Variants in SRGAP2C observed in about 807,000 individuals in gnomAD.
SRGAP2C encodes SLIT-ROBO Rho GTPase activating protein 2C, also known as SLIT-ROBO Rho GTPase-activating protein 2C.
Under a neutral mutation model 25.1 loss-of-function variants are expected in SRGAP2C, and 15 were observed. The ratio of observed to expected loss-of-function variants is 0.60; its 90% confidence interval spans 0.40 to 0.92. The LOEUF (loss-of-function observed/expected upper bound fraction) is 0.92, where lower values mean the gene tolerates loss of function less well. SRGAP2C is among the 40% of genes least tolerant of loss of function. The probability of loss-of-function intolerance (pLI) is 0.00; values close to 1 mark genes in which losing one functional copy is unlikely to be tolerated. For synonymous variants in SRGAP2C, 44 were observed against 96.6 expected (o/e 0.46, Z 3.19); for missense variants, 144 against 264.4 (o/e 0.54, Z 3.16).
chr1:121,204,313 G>A (rs587698247), intron 2 of SRGAP2C, among the ~76,000 whole-genome samples: 72 of 151,576 alleles, frequency 4.8e-4, no homozygotes, highest in African/African-American at 1.5e-3. Flanking sequence ...CAAGAAACTG[G>A]CATAATATAT....
At chr1:121,261,123 T>TTTTTTTTG (rs1656624670) in intron 2 of SRGAP2C, among the ~76,000 whole-genome samples, 1 of 82,028 alleles carries the variant, frequency 1.2e-5, no homozygotes, top group Non-Finnish European at 2.5e-5. Context: ...TTTTTTTTTT[T>TTTTTTTTG]GTAGAGACAA....
chr1:121,232,655 A>G (rs1439858750), intron 2 of SRGAP2C, among the ~76,000 whole-genome samples: 3 of 151,554 alleles, frequency 2.0e-5, no homozygotes, highest in African/African-American at 7.3e-5. Flanking sequence ...GCACTTTCAT[A>G]GTTTACACTG....
intron 3 of SRGAP2C, among the ~76,000 whole-genome samples, chr1:121,301,041 C>CA (rs1435787527): frequency 0.021 from 1,460 of 70,532 alleles, 478 homozygotes; most frequent in Non-Finnish European, 0.032. Context: ...GACTCCATCT[C>CA]AAAAAAAAAC....
intron 2 of SRGAP2C, among the ~76,000 whole-genome samples, chr1:121,235,026 C>T (rs1303525989): frequency 7.2e-6 from 1 of 138,010 alleles, no homozygotes; most frequent in African/African-American, 3.0e-5. Context: ...TTCTTTCTTT[C>T]TTTTTTTTTT....
At chr1:121,197,138 T>C (rs1240688372) in intron 2 of SRGAP2C, among the ~76,000 whole-genome samples, 22 of 137,210 alleles carry the variant, frequency 1.6e-4, no homozygotes, top group African/African-American at 5.8e-4. Flanking sequence ...CTTGAACCTG[T>C]AAAACTTATT....
At chr1:121,253,975 C>T (rs587597646) in intron 2 of SRGAP2C, among the ~76,000 whole-genome samples, 24 of 151,902 alleles carry the variant, frequency 1.6e-4, no homozygotes, top group Middle Eastern at 3.4e-3. Flanking sequence ...TGCAGTGGCA[C>T]GATCTCGGCT....
intron 2 of SRGAP2C, among the ~76,000 whole-genome samples, chr1:121,269,914 A>G (rs1179277303): frequency 6.7e-6 from 1 of 149,126 alleles, no homozygotes; most frequent in Non-Finnish European, 1.5e-5. Flanking sequence ...TCCTTGCACT[A>G]CTCTTCCTAT....
intron 2 of SRGAP2C, among the ~76,000 whole-genome samples, chr1:121,228,717 C>T (rs1655742453): frequency 6.6e-6 from 1 of 151,930 alleles, no homozygotes; most frequent in Admixed American, 6.6e-5. Context: ...ATACTGGTGA[C>T]TTAAAAGCAT....
At chr1:121,328,893 AAAAAAAAAAAAAC>A (rs1658373312) in intron 4 of SRGAP2C, among the ~76,000 whole-genome samples, 1 of 27,354 alleles carries the variant, frequency 3.7e-5, no homozygotes, top group East Asian at 6.9e-3. Context: ...TCTGTTTAAA[AAAAAAAAAAAAAC>A]AAAAAACAAA....
chr1:121,228,951 C>G (rs1655750821), intron 2 of SRGAP2C, among the ~76,000 whole-genome samples: 1 of 152,066 alleles, frequency 6.6e-6, no homozygotes, highest in African/African-American at 2.4e-5. Flanking sequence ...CCTTAATTAT[C>G]TTACTAAAGA....
At chr1:121,272,908 C>T (rs1657009527) in intron 2 of SRGAP2C, among the ~76,000 whole-genome samples, 1 of 150,700 alleles carries the variant, frequency 6.6e-6, no homozygotes, top group South Asian at 2.1e-4. Context: ...ACTTTATATT[C>T]TCCATCTCTT....
At chr1:121,219,109 A>G (rs1655469815) in intron 2 of SRGAP2C, among the ~76,000 whole-genome samples, 1 of 151,818 alleles carries the variant, frequency 6.6e-6, no homozygotes, top group South Asian at 2.1e-4. Context: ...ACTTGTTTGT[A>G]TTATATAAGA....
At chr1:121,225,976 A>G (rs1655656134) in intron 2 of SRGAP2C, among the ~76,000 whole-genome samples, 1 of 150,870 alleles carries the variant, frequency 6.6e-6, no homozygotes, top group Non-Finnish European at 1.5e-5. Flanking sequence ...AAGTGCTGGG[A>G]TTACAGGTGT....
At chr1:121,345,753 G>A (rs1658728889) in intron 4 of SRGAP2C, among the ~76,000 whole-genome samples, 1 of 147,520 alleles carries the variant, frequency 6.8e-6, no homozygotes, top group Non-Finnish European at 1.5e-5. Flanking sequence ...CCAGGTTCAA[G>A]TGATTCTCTT....
At chr1:121,385,101 T>C (rs1659930564) in intron 8 of SRGAP2C, among the ~76,000 whole-genome samples, 1 of 150,820 alleles carries the variant, frequency 6.6e-6, no homozygotes, top group African/African-American at 2.4e-5. Context: ...GTGTGGGTTG[T>C]CTGCAGATTG....
intron 2 of SRGAP2C, among the ~76,000 whole-genome samples, chr1:121,277,811 C>T (rs1445559221): frequency 9.2e-6 from 1 of 108,542 alleles, no homozygotes; most frequent in African/African-American, 3.6e-5. Context: ...AGCACACTAT[C>T]TTTGGAGAGG....
intron 3 of SRGAP2C, among the ~76,000 whole-genome samples, chr1:121,286,047 T>C (rs1235227466): frequency 6.6e-6 from 1 of 152,332 alleles, no homozygotes. Context: ...AAATTTCCGT[T>C]GGGTTGCATT....
intron 2 of SRGAP2C, among the ~76,000 whole-genome samples, chr1:121,210,089 G>T (rs587717752): frequency 6.6e-6 from 1 of 151,470 alleles, no homozygotes; most frequent in Non-Finnish European, 1.5e-5. Flanking sequence ...TCATGACCTA[G>T]AATCATTCTT....
chr1:121,350,592 T>A (rs1553345459), intron 4 of SRGAP2C, among the ~76,000 whole-genome samples: 5 of 151,518 alleles, frequency 3.3e-5, no homozygotes, highest in African/African-American at 7.3e-5. Context: ...TAAAAAAAAA[T>A]AACTCAAAAT....
Sources: gnomAD v4.1 joint callset for allele counts (sites outside exome capture counted in the v4.1 genomes callset) on GRCh38, gnomAD v4.1.1 for gene constraint, MANE v1.5 for transcripts, NCBI Gene and HGNC (gene_info 2026-07-23, HGNC 2026-07-21) for gene names.